The following ACACB variants were observed in gnomAD, a reference collection of about 807,000 sequenced individuals.
The protein encoded by ACACB is acetyl-CoA carboxylase beta, also known as acetyl-CoA carboxylase 2.
ACACB carries 209 observed loss-of-function variants against 278.8 expected under a neutral mutation model. The ratio of observed to expected loss-of-function variants is 0.75; its 90% CI spans 0.67 to 0.84. The LOEUF (loss-of-function observed/expected upper bound fraction) is 0.84. Ranked by LOEUF, ACACB falls within the 40% of genes least tolerant of loss-of-function variation. The pLI is 0.00. For missense variants in ACACB, 2,850 were observed against 3,269.0 expected (o/e 0.87, Z 3.13); for synonymous variants, 1,174 against 1,285.6 (o/e 0.91, Z 1.86).
intron 24 of ACACB, among the ~76,000 whole-genome samples, chr12:109,218,635 T>A (rs1047602131): frequency 6.0e-5 from 9 of 150,670 alleles, no homozygotes; most frequent in Non-Finnish European, 8.9e-5. Context: ...TGGCTTATAG[T>A]AGAAAGGGGT....
At chr12:109,224,084 C>T (rs952165621) in intron 27 of ACACB, among the ~76,000 whole-genome samples, 180 bp downstream of exon 27, 2 of 152,132 alleles carry the variant, frequency 1.3e-5, no homozygotes, top group Admixed American at 6.6e-5. Flanking sequence ...TCAGAGAGGT[C>T]AAGTGACTTA....
At position 109,179,948 on chromosome 12, in the gene ACACB, A is replaced by C; in HGVS notation, c.1679A>C (p.Tyr560Ser). 2 of 1,612,844 alleles carry C rather than the reference A, an allele frequency of 1.2e-6. No individual in the cohort carries two copies. The highest frequency in any genetic ancestry group is 1.7e-6 in the Non-Finnish European group (2 of 1,178,998). Reference protein sequence around the residue: ...CAIRLAKTVGYVSAGTVEYLY... With the variant: ...CAIRLAKTVGSVSAGTVEYLY... Reference sequence around the variant, plus strand: ...ATCCGCCTGGCCAAGACCGTGGGCTATGTGAGTGCAGGGACAGTGGAATAC... The same window carrying C: ...ATCCGCCTGGCCAAGACCGTGGGCTCTGTGAGTGCAGGGACAGTGGAATAC... Residue 560 changes from tyrosine to serine, a missense_variant, in exon 11 of 53, where the codon TAT becomes TCT. Coordinates refer to ENST00000338432, the MANE Select transcript of ACACB (RefSeq NM_001093.4).
intron 41 of ACACB, among the ~76,000 whole-genome samples, chr12:109,251,388 T>C (rs1467009891): frequency 3.3e-5 from 5 of 152,256 alleles, no homozygotes; most frequent in Non-Finnish European, 7.3e-5. Context: ...TACTCTTTAA[T>C]GATAAACTGC....
chr12:109,205,215 G>A (rs919155567), intron 19 of ACACB, among the ~76,000 whole-genome samples: 31 of 152,118 alleles, frequency 2.0e-4, no homozygotes, highest in Non-Finnish European at 4.6e-4. Context: ...TGGATCAGTG[G>A]GCAGGTCTGG....
rs746978944 is a variant in ACACB, at chr12:109,265,196, C to T, written c.7029C>T (p.Ile2343=). The change falls in exon 51 of 53, where the codon ATC becomes ATT. Residue 2343 remains isoleucine (I), a synonymous_variant. Coordinates refer to ENST00000338432, the MANE Select transcript of ACACB (RefSeq NM_001093.4). The part of the protein sequence containing the change: ...LLLEDQVKQE[I]LQASGELSHV... ...TGGAGGACCAGGTCAAGCAGGAGAT[C>T]CTGCAGGCCAGCGGGGAGCTGAGTC... 1.9e-6 allele frequency: 3 copies of T among 1,613,712 alleles called. No individual in the cohort carries two copies. The highest frequency in any genetic ancestry group is 2.2e-5 in the East Asian group (1 of 44,884).
chr12:109,204,457 T>C (rs141041737), intron 19 of ACACB, among the ~76,000 whole-genome samples: 12,232 of 151,768 alleles, frequency 0.081, 988 homozygotes, highest in African/African-American at 0.21. Flanking sequence ...GTATTTTTAG[T>C]AGAGATGGGG....
At position 109,166,931 on chromosome 12, in the gene ACACB, T is replaced by G. The variant is rs1457087688; in HGVS notation, c.724T>G (p.Phe242Val). The change falls in exon 3 of 53, where the codon TTT becomes GTT. Residue 242 changes from phenylalanine (F) to valine (V), a missense_variant. Transcript: ENST00000338432. ...EHKKLDLHRD[F>V]TVASPAEFVT... ...CAAGAAGCTGGACCTGCACAGAGAC[T>G]TTACCGTGGCTTCTCCCGCTGAGTT... 2 of 1,613,878 alleles carry G rather than the reference T, an allele frequency of 1.2e-6. No individual in the cohort carries two copies. Among genetic ancestry groups the G allele is most frequent in the Non-Finnish European group, 1.7e-6 (2 of 1,180,020 alleles).
rs753705502 is a variant in ACACB, at chr12:109,245,644, G to A, written c.5197G>A (p.Gly1733Ser). 4.3e-6 allele frequency: 7 copies of A among 1,613,854 alleles called. No homozygotes were observed. The South Asian group carries it at 6.6e-5, about 15-fold the overall frequency. ...MFRQALFKLW[G>S]SPDKYPKDIL... ...TCCCCAGGCTCTCTTTAAACTGTGG[G>A]GCTCCCCAGACAAGTATCCCAAAGA... is the stretch of plus-strand genomic sequence containing the variant. The change falls in exon 38 of 53, where the codon GGC becomes AGC. Residue 1733 changes from glycine to serine, a missense_variant. This residue lies in a region of ACACB where 2,265 missense variants were observed against 2,561.3 expected (regional missense o/e 0.88). Transcript: ENST00000338432.
chr12:109,187,687 T>C (rs1277632793), intron 12 of ACACB, among the ~76,000 whole-genome samples: 1 of 151,964 alleles, frequency 6.6e-6, no homozygotes. Context: ...TTTGAACTCC[T>C]GGGCTCAAGT....
At chr12:109,241,354 T>TA in intron 36 of ACACB, 73 bp downstream of exon 36, 1 of 1,478,116 alleles carries the variant, frequency 6.8e-7, no homozygotes, top group Non-Finnish European at 9.4e-7. Context: ...ATTTGTAGAT[T>TA]AAGATGGCAT....
chr12:109,167,025 T>C lies in ACACB; in HGVS notation c.786+32T>C, dbSNP rs975520230. ...ATGGGTCTCGGCACTCTGGGTGGGGTCCGATTGGGGTGCAGGGGCCCCTCC... is the reference window on the plus strand; with the variant it reads ...ATGGGTCTCGGCACTCTGGGTGGGGCCCGATTGGGGTGCAGGGGCCCCTCC... On this transcript the variant is annotated intron_variant, in intron 3 of 52. Coordinates refer to ENST00000338432, the MANE Select transcript of ACACB (RefSeq NM_001093.4). 4 of 1,612,472 alleles carry C rather than the reference T, an allele frequency of 2.5e-6. No individual in the cohort carries two copies. The Admixed American group carries it at 5.0e-5, about 20-fold the overall frequency.
chr12:109,175,795 G>GA (rs2044263311), intron 7 of ACACB, 136 bp from the exon 8 acceptor site: 3 of 674,476 alleles, frequency 4.4e-6, no homozygotes, highest in Non-Finnish European at 2.6e-6. Context: ...GTGAGAAGCT[G>GA]AAGGGAGTGT....
chr12:109,123,106 A>C (rs1434522330), intron 1 of ACACB, among the ~76,000 whole-genome samples: 1 of 151,346 alleles, frequency 6.6e-6, no homozygotes, highest in East Asian at 2.0e-4. Flanking sequence ...GCATGAACCC[A>C]GGAGGCGGAG....
chr12:109,182,062 C>T (rs2136231937), intron 11 of ACACB, among the ~76,000 whole-genome samples: 1 of 152,020 alleles, frequency 6.6e-6, no homozygotes, highest in South Asian at 2.1e-4. Flanking sequence ...CCAGGATAGT[C>T]TTGATCTCCT....
intron 39 of ACACB, among the ~76,000 whole-genome samples, chr12:109,246,745 G>A (rs1280686055): frequency 6.6e-6 from 1 of 152,164 alleles, no homozygotes; most frequent in Non-Finnish European, 1.5e-5. Context: ...TGTGCACTGA[G>A]AATGCAGAGG....
chr12:109,151,588 G>A (rs1593410738), intron 2 of ACACB, among the ~76,000 whole-genome samples: 4 of 152,194 alleles, frequency 2.6e-5, no homozygotes, highest in South Asian at 2.1e-4. Context: ...AAGGTCATCC[G>A]TGAGGGGAAG....
chr12:109,236,123 T>A, intron 33 of ACACB: 1 of 157,042 alleles, frequency 6.4e-6, no homozygotes, highest in Non-Finnish European at 1.4e-5. Context: ...CATGCCACCG[T>A]GCCTCCCAGC....
intron 13 of ACACB, among the ~76,000 whole-genome samples, chr12:109,190,519 A>G (rs1038560133): frequency 1.3e-5 from 2 of 152,240 alleles, no homozygotes; most frequent in Non-Finnish European, 2.9e-5. Context: ...CCCCACACAC[A>G]CCAGGCAGAG....
At chr12:109,171,013 ATT>A (rs59371391) in intron 4 of ACACB, among the ~76,000 whole-genome samples, 5 of 106,526 alleles carry the variant, frequency 4.7e-5, no homozygotes, top group African/African-American at 1.8e-4. Context: ...CTTTTTTTGG[ATT>A]TTTTTTTTTT....
Sources: gnomAD v4.1 joint callset for allele counts (sites outside exome capture counted in the v4.1 genomes callset) on GRCh38, gnomAD v4.1.1 for gene constraint, gnomAD v4.1.1 regional missense constraint, MANE v1.5 for transcripts, NCBI Gene and HGNC (gene_info 2026-07-23, HGNC 2026-07-21) for gene names.